LPIN2: variants seen among roughly 807,000 people sequenced by gnomAD.
The protein encoded by LPIN2 is phosphatidate phosphatase LPIN2.
A neutral mutation model predicts 111.4 loss-of-function variants in LPIN2; 55 were observed. That is an observed-to-expected ratio of 0.49 (90% confidence interval 0.40 to 0.62). The LOEUF is 0.62. Among genes scored for constraint, LPIN2 ranks in the 20% least tolerant of loss-of-function variants. LPIN2 has a pLI of 0.00. For synonymous variants in LPIN2, 425 were observed against 414.0 expected (o/e 1.03, Z -0.32); for missense variants, 992 against 1,112.1 (o/e 0.89, Z 1.54).
rs2078586778 is a variant in LPIN2 at position 3,010,608 on chromosome 18, G to T, written c.-10+2479C>A. On this transcript the variant is annotated intron_variant, in intron 1 of 19. Transcript: ENST00000677752. ...TACACACTCAACGACAGTCACTGGG[G>T]TCGGAGTAAAAAGAAATGGATTTAA... Among the ~76,000 whole-genome samples the T allele has an allele frequency of 2.0e-5, 3 of 152,246 alleles. No individual in the cohort carries two copies. In the South Asian group the frequency reaches 6.2e-4, roughly 32 times the overall value.
rs558033077 is a variant in LPIN2, at chr18:2,927,852, G to A, written c.1621-41C>T. ...CTGGGTTAGTCTGGGCAATCTACTG[G>A]CCACACAGCACCTACCTTCTATGCT... On this transcript the variant is annotated intron_variant, in intron 11 of 19. Coordinates refer to ENST00000677752, the MANE Select transcript of LPIN2 (RefSeq NM_001375808.2). The A allele has an allele frequency of 7.9e-6, 12 of 1,527,192 alleles. No homozygotes were observed. The African/African-American group carries it at 1.5e-4, about 19-fold the overall frequency. The allele number at this position is 1,527,192 out of a possible 1,614,324, so 94.6% of individuals were successfully genotyped here. A position where few individuals can be genotyped will look rare whatever the true frequency, so the allele number is the denominator to read the frequency against.
chr18:2,982,571 T>C, intron 1 of LPIN2: 1 of 417,940 alleles, frequency 2.4e-6, no homozygotes, highest in Non-Finnish European at 4.6e-6. Context: ...AGGGCATTAG[T>C]CTTTTTCTTT....
At chr18:2,921,480 A>G (rs117567248) in intron 18 of LPIN2, 53 bp downstream of exon 18, 47 of 1,345,082 alleles carry the variant, frequency 3.5e-5, no homozygotes, top group Non-Finnish European at 5.0e-5. Context: ...CCCACGAAGT[A>G]CATCCCTCTG....
chr18:2,922,279 CTT>C, intron 16 of LPIN2, 80 bp from the exon 17 acceptor site: 1 of 1,502,394 alleles, frequency 6.7e-7, no homozygotes, highest in Non-Finnish European at 9.1e-7. Context: ...AAACCCCACA[CTT>C]TTCTTTCTTT....
intron 1 of LPIN2, among the ~76,000 whole-genome samples, chr18:2,999,702 C>T (rs549474057): frequency 1.8e-4 from 28 of 152,154 alleles, no homozygotes; most frequent in Admixed American, 7.2e-4. Context: ...GGTGATGCAT[C>T]TGCAAGCCAA....
rs140213202 is a variant in LPIN2, at chr18:2,971,776, G to A, written c.-9-10927C>T. Among the ~76,000 whole-genome samples, 185 of 149,414 alleles carry A rather than the reference G, an allele frequency of 1.2e-3. 1 individual carries two copies. Among genetic ancestry groups the A allele is most frequent in the Middle Eastern group, 3.5e-3 (1 of 288 alleles). ...AAAAAAAAAAAAACAGGCTGGGTGC[G>A]GTGGCTCACGACTGTAATCCCAGCA... On this transcript the variant is annotated intron_variant, in intron 1 of 19. Transcript: ENST00000677752.
At position 2,920,351 on chromosome 18, in the gene LPIN2, C is replaced by G; in HGVS notation, c.2633G>C (p.Ser878Thr). The G allele has an allele frequency of 6.2e-7, 1 of 1,614,152 alleles. No individual in the cohort carries two copies. Among genetic ancestry groups the G allele is most frequent in the African/African-American group, 1.3e-5 (1 of 75,064 alleles). Residue 878 changes from serine to threonine, a missense_variant, in exon 20 of 20, where the codon AGC becomes ACC. Around this residue, in one of 4 missense-constraint regions of LPIN2, gnomAD observed 185 missense variants for 186.5 expected, o/e 0.99. Transcript: ENST00000677752. ...QNSAFPCPEFSSFCYWRDPIP... is the reference protein window; with the variant it reads ...QNSAFPCPEFTSFCYWRDPIP... ...CGGGTCTCGCCAGTAGCAGAAGGAG[C>G]TGAACTCCGGGCAGGGAAAAGCGGA...
At chr18:2,939,841 A>C (rs1395875205) in intron 5 of LPIN2, among the ~76,000 whole-genome samples, 1 of 152,248 alleles carries the variant, frequency 6.6e-6, no homozygotes, top group East Asian at 1.9e-4. Context: ...CAAACACTGT[A>C]GATTCATAAT....
At chr18:2,971,365 C>G (rs116213007) in intron 1 of LPIN2, among the ~76,000 whole-genome samples, 1 of 152,086 alleles carries the variant, frequency 6.6e-6, no homozygotes, top group African/African-American at 2.4e-5. Flanking sequence ...GTGGGCTCAG[C>G]GGCTGAGAAG....
At chr18:2,963,580 G>C (rs1461304929) in intron 1 of LPIN2, among the ~76,000 whole-genome samples, 1 of 151,946 alleles carries the variant, frequency 6.6e-6, no homozygotes, top group Non-Finnish European at 1.5e-5. Context: ...GAGAGTGACA[G>C]AGACCAAAGG....
At chr18:2,973,826 C>T (rs2143313270) in intron 1 of LPIN2, among the ~76,000 whole-genome samples, 1 of 152,304 alleles carries the variant, frequency 6.6e-6, no homozygotes, top group East Asian at 1.9e-4. Context: ...TAATTTTGCA[C>T]ACGAAACAAA....
intron 1 of LPIN2, among the ~76,000 whole-genome samples, chr18:2,973,171 A>G (rs979432644): frequency 6.6e-6 from 1 of 152,190 alleles, no homozygotes; most frequent in Non-Finnish European, 1.5e-5. Flanking sequence ...TGTACCTTGA[A>G]CTATTCAAAA....
chr18:3,000,161 C>T (rs890829623), intron 1 of LPIN2, among the ~76,000 whole-genome samples: 1 of 147,174 alleles, frequency 6.8e-6, no homozygotes, highest in African/African-American at 2.5e-5. Context: ...ATGTAGAAAG[C>T]AGATCTCCCA....
intron 1 of LPIN2, among the ~76,000 whole-genome samples, chr18:3,007,202 GCT>G (rs1316512537): frequency 6.6e-6 from 1 of 151,960 alleles, no homozygotes; most frequent in East Asian, 1.9e-4. Flanking sequence ...ATGGAGTCTT[GCT>G]CTGTCGCCCA....
chr18:2,929,259 C>G, intron 9 of LPIN2, 101 bp from the exon 10 acceptor site: 1 of 839,258 alleles, frequency 1.2e-6, no homozygotes, highest in Non-Finnish European at 2.0e-6. Flanking sequence ...CTAAAATCAT[C>G]TGTCTAAAAA....
intron 1 of LPIN2, among the ~76,000 whole-genome samples, chr18:3,010,570 C>T (rs2078586238): frequency 6.6e-6 from 1 of 152,078 alleles, no homozygotes; most frequent in Non-Finnish European, 1.5e-5. Flanking sequence ...TCTGGCACGG[C>T]AAGTCGGGCA....
In LPIN2 at chr18:2,922,091, G is replaced by A. The variant is rs775011212; in HGVS notation, c.2283C>T (p.Gly761=). Residue 761 remains glycine, a synonymous_variant, in exon 17 of 20, where the codon GGC becomes GGT. Coordinates refer to ENST00000677752, the MANE Select transcript of LPIN2 (RefSeq NM_001375808.2). ...AGCTGCTGGGGGACAGCATCAGGGG[G>A]CCCCGGGGCAAGATTGTGCCCTTGT... ...VNDKGTILPR[G]PLMLSPSSLF... 7 of 1,613,836 alleles carry A rather than the reference G, an allele frequency of 4.3e-6. No homozygotes were observed. Among genetic ancestry groups the A allele is most frequent in the African/African-American group, 4.0e-5 (3 of 74,940 alleles).
chr18:2,926,102 G>C (rs1192793771), intron 13 of LPIN2, among the ~76,000 whole-genome samples: 2 of 152,214 alleles, frequency 1.3e-5, no homozygotes, highest in Non-Finnish European at 2.9e-5. Context: ...CCCAGCCTGA[G>C]TGACACAGTG....
intron 1 of LPIN2, among the ~76,000 whole-genome samples, chr18:3,006,738 G>A (rs2078521891): frequency 6.6e-6 from 1 of 152,132 alleles, no homozygotes; most frequent in African/African-American, 2.4e-5. Flanking sequence ...TCAGGAGGCT[G>A]AGGCAGGAGA....
Sources: gnomAD v4.1 joint callset for allele counts (sites outside exome capture counted in the v4.1 genomes callset) on GRCh38, gnomAD v4.1.1 for gene constraint, gnomAD v4.1.1 regional missense constraint, MANE v1.5 for transcripts, NCBI Gene and HGNC (gene_info 2026-07-23, HGNC 2026-07-21) for gene names.